NRXN1: variants seen among roughly 807,000 people sequenced by gnomAD.
The protein encoded by NRXN1 is neurexin 1.
A neutral mutation model predicts 150.9 loss-of-function variants in NRXN1; 39 were observed. The observed-to-expected ratio is 0.26, with a 90% CI of 0.20 to 0.34. The LOEUF is 0.34. NRXN1 is among the 10% of genes least tolerant of loss of function. The pLI is 1.00. For missense variants in NRXN1, 1,815 were observed against 1,949.9 expected (o/e 0.93, Z 1.30); for synonymous variants, 924 against 757.0 (o/e 1.22, Z -3.62).
intron 18 of NRXN1, among the ~76,000 whole-genome samples, chr2:50,187,624 G>A (rs1423448928): frequency 6.6e-6 from 1 of 151,998 alleles, no homozygotes; most frequent in Admixed American, 6.6e-5. Context: ...TTCTAATTCT[G>A]TGAAGAAAGT....
intron 17 of NRXN1, among the ~76,000 whole-genome samples, chr2:50,239,433 A>C (rs2065780534): frequency 6.6e-6 from 1 of 151,134 alleles, no homozygotes; most frequent in Non-Finnish European, 1.5e-5. Flanking sequence ...AGAATTATAT[A>C]AGTGTGAGGT....
chr2:50,174,480 A>C (rs2678220), intron 18 of NRXN1, among the ~76,000 whole-genome samples: 31,515 of 152,120 alleles, frequency 0.21, 3,757 homozygotes, highest in Middle Eastern at 0.28. Flanking sequence ...TTAAAAACCA[A>C]GTAAGGATGT....
intron 5 of NRXN1, among the ~76,000 whole-genome samples, chr2:50,733,550 T>A (rs56225854): frequency 0.09 from 13,707 of 152,206 alleles, 701 homozygotes; most frequent in Middle Eastern, 0.13. Flanking sequence ...TTTGTTTCTT[T>A]AGATACATAA....
At chr2:50,079,024 T>C (rs1044160221) in intron 19 of NRXN1, among the ~76,000 whole-genome samples, 1 of 152,108 alleles carries the variant, frequency 6.6e-6, no homozygotes, top group Admixed American at 6.5e-5. Flanking sequence ...TCCTTCTACA[T>C]TATTAATTGT....
At chr2:50,116,075 G>A (rs1252378314) in intron 18 of NRXN1, among the ~76,000 whole-genome samples, 2 of 151,864 alleles carry the variant, frequency 1.3e-5, no homozygotes, top group Non-Finnish European at 2.9e-5. Context: ...TTTTAATTGT[G>A]ACTAACAAAT....
chr2:50,878,901 C>G (rs1679015732), intron 5 of NRXN1, among the ~76,000 whole-genome samples: 1 of 151,894 alleles, frequency 6.6e-6, no homozygotes, highest in African/African-American at 2.4e-5. Context: ...ACTATTAATA[C>G]AACATTTTAA....
At chr2:51,022,480 G>C (rs1435950599) in intron 2 of NRXN1, among the ~76,000 whole-genome samples, 22 of 152,000 alleles carry the variant, frequency 1.4e-4, no homozygotes, top group Non-Finnish European at 4.4e-5. Flanking sequence ...TGGCATTTTG[G>C]AATAGTAACT....
At chr2:50,163,164 G>GTGTATA (rs148512568) in intron 18 of NRXN1, among the ~76,000 whole-genome samples, 29 of 141,754 alleles carry the variant, frequency 2.0e-4, no homozygotes, top group African/African-American at 6.7e-4. Context: ...AATCCAAAAT[G>GTGTATA]TATATATATA....
At chr2:50,773,990 C>T (rs192287831) in intron 5 of NRXN1, among the ~76,000 whole-genome samples, 12 of 152,276 alleles carry the variant, frequency 7.9e-5, no homozygotes, top group Admixed American at 5.2e-4. Context: ...GCAACCCCCA[C>T]ACGACCCGGA....
chr2:50,017,065 C>G (rs1686760555), intron 21 of NRXN1, among the ~76,000 whole-genome samples: 1 of 152,126 alleles, frequency 6.6e-6, no homozygotes, highest in South Asian at 2.1e-4. Flanking sequence ...AGCTCACAGA[C>G]TTTCAGGAAT....
intron 5 of NRXN1, among the ~76,000 whole-genome samples, chr2:50,625,122 T>C (rs182416679): frequency 2.0e-5 from 3 of 152,024 alleles, no homozygotes; most frequent in Non-Finnish European, 4.4e-5. Context: ...TCAGCAGGTG[T>C]TGCATTCTCC....
chr2:49,950,596 A>G (rs1673756269), intron 21 of NRXN1, among the ~76,000 whole-genome samples: 2 of 152,052 alleles, frequency 1.3e-5, no homozygotes, highest in Non-Finnish European at 2.9e-5. Flanking sequence ...AGGCAAATGA[A>G]CAAATAACTC....
At chr2:50,768,194 T>C (rs1197469859) in intron 5 of NRXN1, among the ~76,000 whole-genome samples, 1 of 152,114 alleles carries the variant, frequency 6.6e-6, no homozygotes, top group Non-Finnish European at 1.5e-5. Context: ...GACTACTCTT[T>C]GGGATTCTCT....
intron 17 of NRXN1, among the ~76,000 whole-genome samples, chr2:50,415,379 A>G (rs1382556550): frequency 6.6e-6 from 1 of 152,090 alleles, no homozygotes; most frequent in Admixed American, 6.6e-5. Context: ...ATATAATTTA[A>G]TCATTGTATT....
chr2:50,058,445 T>A (rs1358723444), intron 19 of NRXN1, among the ~76,000 whole-genome samples: 3 of 152,212 alleles, frequency 2.0e-5, no homozygotes, highest in African/African-American at 7.2e-5. Flanking sequence ...ACAGACTTTA[T>A]TCTTGTATGG....
chr2:50,483,680 T>C (rs973426900), intron 15 of NRXN1, among the ~76,000 whole-genome samples: 22 of 152,152 alleles, frequency 1.4e-4, no homozygotes, highest in African/African-American at 5.3e-4. Flanking sequence ...ACAAGAATAA[T>C]AATGCCAGCA....
At chr2:50,148,230 T>C (rs1292130173) in intron 18 of NRXN1, among the ~76,000 whole-genome samples, 2 of 151,618 alleles carry the variant, frequency 1.3e-5, no homozygotes, top group African/African-American at 2.4e-5. Flanking sequence ...TGGGGTAAAA[T>C]TGTGGACTCT....
At chr2:50,788,605 CAGAG>C (rs149877950) in intron 5 of NRXN1, among the ~76,000 whole-genome samples, 5 of 149,242 alleles carry the variant, frequency 3.4e-5, no homozygotes, top group East Asian at 2.0e-4. Context: ...GAGAGAGAGA[CAGAG>C]AGAGAGAGAG....
intron 21 of NRXN1, among the ~76,000 whole-genome samples, chr2:50,044,521 TAAG>T (rs1160849450): frequency 6.6e-6 from 1 of 152,196 alleles, no homozygotes; most frequent in Non-Finnish European, 1.5e-5. Context: ...GTGAAACACT[TAAG>T]AAGCATGTTT....
Sources: allele counts gnomAD v4.1 joint callset (sites outside exome capture counted in the v4.1 genomes callset), GRCh38; gene constraint gnomAD v4.1.1; transcripts MANE v1.5; gene names NCBI Gene and HGNC (gene_info 2026-07-23, HGNC 2026-07-21).